TSR2: variants seen among roughly 807,000 people sequenced by gnomAD.
The protein encoded by TSR2 is TSR2 ribosome maturation factor, also known as pre-rRNA-processing protein TSR2 homolog.
A neutral mutation model predicts 13.3 loss-of-function variants in TSR2; 1 was observed. That is an observed-to-expected ratio of 0.08 (90% CI 0.03 to 0.36). The LOEUF (loss-of-function observed/expected upper bound fraction) is 0.36, where lower values mean the gene tolerates loss of function less well. Ranked by LOEUF, TSR2 falls within the 10% of genes least tolerant of loss-of-function variation. The pLI is 0.99. For missense variants in TSR2, 120 were observed against 151.1 expected (o/e 0.79, Z 1.08); for synonymous variants, 60 against 57.7 (o/e 1.04, Z -0.18).
In TSR2 at chrX:54,446,513, C is replaced by G; in HGVS notation, c.*1963C>G. On this transcript the variant is annotated 3_prime_UTR_variant, in exon 5 of 5. Coordinates refer to ENST00000375151, the MANE Select transcript of TSR2 (RefSeq NM_058163.3). Reference sequence around the variant, plus strand: ...TTGCATATGCTCTGTCTTCAGTCCCCTACTCAGGAACTCCCCTACTCAGGA... The same window carrying G: ...TTGCATATGCTCTGTCTTCAGTCCCGTACTCAGGAACTCCCCTACTCAGGA... 1 of 820,304 alleles carries G rather than the reference C, an allele frequency of 1.2e-6. No homozygotes were observed. The highest frequency in any genetic ancestry group is 2.4e-5 in the South Asian group (1 of 40,904). 67.6% of individuals were successfully genotyped at this position (820,304 alleles called of 1,213,427 possible).
chrX:54,446,073 G>A lies in TSR2; in HGVS notation c.*1523G>A, dbSNP rs2230265. On this transcript the variant is annotated 3_prime_UTR_variant, in exon 5 of 5. Coordinates refer to ENST00000375151, the MANE Select transcript of TSR2 (RefSeq NM_058163.3). ...CCCCAATCAGACATGGGCAACTAGAGTGTGGGGTGGGGGCTCCCAGTTTGT... is the reference window on the plus strand; with the variant it reads ...CCCCAATCAGACATGGGCAACTAGAATGTGGGGTGGGGGCTCCCAGTTTGT... 108,783 of 1,118,043 alleles carry A rather than the reference G, an allele frequency of 0.097. 6,565 individuals are homozygous for A. Among genetic ancestry groups the A allele is most frequent in the East Asian group, 0.5 (16,648 of 32,969 alleles). The allele number at this position is 1,118,043 out of a possible 1,213,427, so 92.1% of individuals were successfully genotyped here.
In TSR2 at chrX:54,440,463, TG is replaced by T; in HGVS notation, c.46del (p.Val16SerfsTer47). On this transcript the variant is annotated frameshift_variant, in exon 1 of 5. Transcript: ENST00000375151. LOFTEE classifies it high-confidence loss of function. The stretch of plus-strand genomic sequence containing the variant: ...AAGATGCGCGAGCTCTTTTCCGGGC[TG>T]GGGTCTGCGCGGCCCTGGAGGCCTG... ...AEDARALFRA[G>X]VCAALEAWPA... 1 of 1,133,638 alleles carries T rather than the reference TG, an allele frequency of 8.8e-7. No homozygotes were observed. The highest frequency in any genetic ancestry group is 3.1e-5 in the Admixed American group (1 of 32,495). 93.4% of individuals were successfully genotyped at this position (1,133,638 alleles called of 1,213,427 possible).
At position 54,445,812 on chromosome X, in the gene TSR2, G is replaced by C. The variant is rs952179774; in HGVS notation, c.*1262G>C. ...CTGGGTGGAGGCAGGATCTGTGGTA[G>C]GGTATTGAGGGATGAGGGAGAAAAA... On this transcript the variant is annotated 3_prime_UTR_variant, in exon 5 of 5. Transcript: ENST00000375151. 18 of 284,727 alleles carry C rather than the reference G, an allele frequency of 6.3e-5. No homozygotes were observed. Among genetic ancestry groups the C allele is most frequent in the Non-Finnish European group, 1.1e-4 (18 of 166,167 alleles). 23.5% of individuals were successfully genotyped at this position (284,727 alleles called of 1,213,427 possible). A position where few individuals can be genotyped will look rare whatever the true frequency, so the allele number is the denominator to read the frequency against.
Position 54,444,556 on chromosome X carries a change from G to C in TSR2, c.*6G>C. The C allele has an allele frequency of 8.3e-7, 1 of 1,209,489 alleles. No homozygotes were observed. The highest frequency in any genetic ancestry group is 1.1e-6 in the Non-Finnish European group (1 of 894,442). ...TTGTCCGGAGAAAAAAATGAGTGGG[G>C]ATGATTGGAAATGGCTTTGGGCCCT... On this transcript the variant is annotated 3_prime_UTR_variant, in exon 5 of 5. Transcript: ENST00000375151.
chrX:54,447,643 C>T lies in TSR2; in HGVS notation c.*3093C>T, dbSNP rs897576844. Among the ~76,000 whole-genome samples the T allele has an allele frequency of 2.7e-5, 3 of 112,797 alleles. No individual in the cohort carries two copies. Among genetic ancestry groups the T allele is most frequent in the Non-Finnish European group, 5.6e-5 (3 of 53,393 alleles). On this transcript the variant is annotated 3_prime_UTR_variant, in exon 5 of 5. Transcript: ENST00000375151. ...TAGAGCTGAGATTCAAAGCTAGGTT[C>T]GTCTGCCTCATTTGGGCAACGGCTG...
At position 54,443,405 on chromosome X, in the gene TSR2, T is replaced by C. The variant is rs1398953747; in HGVS notation, c.178T>C (p.Leu60=). The C allele has an allele frequency of 8.3e-7, 1 of 1,206,960 alleles. No homozygotes were observed. Among genetic ancestry groups the C allele is most frequent in the Admixed American group, 2.2e-5 (1 of 45,551 alleles). ...CCCTGTCCTTTTCTACTTAGCTGAC[T>C]TGGAGCTAGATGAGGTGGAAGACTT... ...VEDYFMRNAD[L]ELDEVEDFLG... is the part of the protein sequence containing the mutation. The change falls in exon 3 of 5, where the codon TTG becomes CTG. Residue 60 remains leucine, a synonymous_variant. Transcript: ENST00000375151.
intron 3 of TSR2, 52 bp downstream of exon 3, chrX:54,443,543 T>C: frequency 2.2e-6 from 2 of 928,173 alleles, no homozygotes; most frequent in East Asian, 6.5e-5. Context: ...GTCTTTCTTC[T>C]CCCCAGCTGT....
Position 54,446,179 on chromosome X carries a change from T to C in TSR2, c.*1629T>C. ...GGCTCCTAAAGCAGCCACCGGTGCC[T>C]CCTCCATCTCCCTGTCCTCAGACAG... On this transcript the variant is annotated 3_prime_UTR_variant, in exon 5 of 5. Coordinates refer to ENST00000375151, the MANE Select transcript of TSR2 (RefSeq NM_058163.3). 8.3e-7 allele frequency: 1 copy of C among 1,211,021 alleles called. No homozygotes were observed. Among genetic ancestry groups the C allele is most frequent in the Non-Finnish European group, 1.1e-6 (1 of 895,140 alleles).
In TSR2 at chrX:54,445,830, G is replaced by A; in HGVS notation, c.*1280G>A. ...TGTGGTAGGGTATTGAGGGATGAGGGAGAAAAACGACCTAATTCAGGTAGG... is the reference window on the plus strand; with the variant it reads ...TGTGGTAGGGTATTGAGGGATGAGGAAGAAAAACGACCTAATTCAGGTAGG... On this transcript the variant is annotated 3_prime_UTR_variant, in exon 5 of 5. Transcript: ENST00000375151. 2 of 336,623 alleles carry A rather than the reference G, an allele frequency of 5.9e-6. No homozygotes were observed. Among genetic ancestry groups the A allele is most frequent in the Admixed American group, 1.1e-4 (2 of 17,528 alleles). The allele number at this position is 336,623 out of a possible 1,213,427, so 27.7% of individuals were successfully genotyped here.
At chrX:54,440,550 A>G (rs1277848662) in intron 1 of TSR2, 48 bp downstream of exon 1, 2 of 1,138,130 alleles carry the variant, frequency 1.8e-6, no homozygotes, top group Non-Finnish European at 2.3e-6. Context: ...GGCCCGGGGC[A>G]GAACAGGAGT....
intron 2 of TSR2, among the ~76,000 whole-genome samples, chrX:54,441,912 T>C (rs968727564): frequency 4.5e-5 from 5 of 112,144 alleles, no homozygotes; most frequent in Non-Finnish European, 9.4e-5. Context: ...AGTTACCTTA[T>C]GTAAGAAAAA....
At position 54,444,000 on chromosome X, in the gene TSR2, C is replaced by G; in HGVS notation, c.265-8C>G. ...AAAATCCAAACTGGTTGAATATTTTCTTGGTAGGTGAGCCAGCAACTGCAG... is the reference window on the plus strand; with the variant it reads ...AAAATCCAAACTGGTTGAATATTTTGTTGGTAGGTGAGCCAGCAACTGCAG... On this transcript the variant is annotated splice_region_variant and splice_polypyrimidine_tract_variant and intron_variant, in intron 3 of 4. Coordinates refer to ENST00000375151, the MANE Select transcript of TSR2 (RefSeq NM_058163.3). 1 of 1,206,871 alleles carries G rather than the reference C, an allele frequency of 8.3e-7. No individual in the cohort carries two copies. The highest frequency in any genetic ancestry group is 1.1e-6 in the Non-Finnish European group (1 of 892,881).
At position 54,447,234 on chromosome X, in the gene TSR2, C is replaced by T. The variant is rs1922236186; in HGVS notation, c.*2684C>T. 1.8e-6 allele frequency: 2 copies of T among 1,100,859 alleles called. No homozygotes were observed. Among genetic ancestry groups the T allele is most frequent in the South Asian group, 1.9e-5 (1 of 53,271 alleles). 90.7% of individuals were successfully genotyped at this position (1,100,859 alleles called of 1,213,427 possible). A position where few individuals can be genotyped will look rare whatever the true frequency, so the allele number is the denominator to read the frequency against. On this transcript the variant is annotated 3_prime_UTR_variant, in exon 5 of 5. Transcript: ENST00000375151. ...ATCTTCCAAGGCTCACCTTATCTTC[C>T]AAGGCCAAGGAGAGGTCAAGGACTG...
Position 54,440,496 on chromosome X carries a change from C to T in TSR2, c.75C>T (p.Ala25=). 3 of 1,141,709 alleles carry T rather than the reference C, an allele frequency of 2.6e-6. No individual in the cohort carries two copies. The highest frequency in any genetic ancestry group is 2.1e-5 in the South Asian group (1 of 47,240). The allele number at this position is 1,141,709 out of a possible 1,213,427, so 94.1% of individuals were successfully genotyped here. A position where few individuals can be genotyped will look rare whatever the true frequency, so the allele number is the denominator to read the frequency against. ...GCGCGGCCCTGGAGGCCTGGCCGGC[C>T]TTGCAGGTCAGTGGGGCCAGGGCCA... ...GVCAALEAWP[A]LQIAVENGFG... is the part of the protein sequence containing the mutation. Residue 25 remains alanine (A), a synonymous_variant, in exon 1 of 5, where the codon GCC becomes GCT. Transcript: ENST00000375151.
In TSR2 at chrX:54,446,721, CT is replaced by C. The variant is rs1226487472; in HGVS notation, c.*2191del. 2.4e-3 allele frequency among the ~76,000 whole-genome samples: 210 copies of C among 87,669 alleles called. 1 individual carries two copies. Among genetic ancestry groups the C allele is most frequent in the South Asian group, 0.015 (27 of 1,789 alleles). 76.1% of individuals were successfully genotyped at this position (87,669 alleles called of 115,157 possible). A position where few individuals can be genotyped will look rare whatever the true frequency, so the allele number is the denominator to read the frequency against. On this transcript the variant is annotated 3_prime_UTR_variant, in exon 5 of 5. Coordinates refer to ENST00000375151, the MANE Select transcript of TSR2 (RefSeq NM_058163.3). ...CTATGCTATTGCCCCTATCTGCATACTTTTTTTTTTTTTTTTTTTTGAGACA... is the reference window on the plus strand; with the variant it reads ...CTATGCTATTGCCCCTATCTGCATACTTTTTTTTTTTTTTTTTTTGAGACA...
At chrX:54,441,094 AT>A (rs1921916652) in intron 2 of TSR2, among the ~76,000 whole-genome samples, 1 of 112,260 alleles carries the variant, frequency 8.9e-6, no homozygotes, top group African/African-American at 3.2e-5. Context: ...ATAATTTAAA[AT>A]TTTTTAGTAG....
intron 1 of TSR2, 33 bp downstream of exon 1, chrX:54,440,535 G>A (rs763216607): frequency 4.1e-5 from 47 of 1,142,305 alleles, no homozygotes; most frequent in Non-Finnish European, 5.1e-5. Context: ...CAAGGTCAAG[G>A]TTAGGGCCCG....
At chrX:54,443,335 G>C (rs1471446304) in intron 2 of TSR2, 65 bp from the exon 3 acceptor site, 1 of 781,828 alleles carries the variant, frequency 1.3e-6, no homozygotes, top group Non-Finnish European at 1.9e-6. Context: ...ATATTGAAGA[G>C]CAGTGGGCAG....
intron 1 of TSR2, 28 bp from the exon 2 acceptor site, chrX:54,440,662 C>T (rs370184099): frequency 1.1e-4 from 136 of 1,199,660 alleles, no homozygotes; most frequent in Non-Finnish European, 1.4e-4. Flanking sequence ...CCCAAGCTGA[C>T]TTGGTGGGCT....
Sources: allele counts gnomAD v4.1 joint callset (sites outside exome capture counted in the v4.1 genomes callset), GRCh38; gene constraint gnomAD v4.1.1; transcripts MANE v1.5; gene names NCBI Gene and HGNC (gene_info 2026-07-23, HGNC 2026-07-21).